BCL2: variants seen among roughly 807,000 people sequenced by gnomAD.
The protein encoded by BCL2 is BCL2 apoptosis regulator.
Under a neutral mutation model 14.2 loss-of-function variants are expected in BCL2, and 1 was observed. The ratio of observed to expected loss-of-function variants is 0.07; its 90% confidence interval spans 0.02 to 0.33. The LOEUF (loss-of-function observed/expected upper bound fraction) is 0.33. Ranked by LOEUF, BCL2 falls within the 10% of genes least tolerant of loss-of-function variation. The pLI, the probability that BCL2 is intolerant of heterozygous loss-of-function variation, is 0.99. For synonymous variants in BCL2, 151 were observed against 137.2 expected (o/e 1.10, Z -0.70); for missense variants, 247 against 305.9 (o/e 0.81, Z 1.44).
intron 2 of BCL2, among the ~76,000 whole-genome samples, chr18:63,158,645 C>T (rs865940387): frequency 3.3e-5 from 5 of 152,274 alleles, no homozygotes; most frequent in Middle Eastern, 3.4e-3. Flanking sequence ...TTGCCTGAAA[C>T]CATGTGGGAT....
chr18:63,264,883 G>A (rs1030042891), intron 2 of BCL2, among the ~76,000 whole-genome samples: 6 of 86 alleles, frequency 0.07, no homozygotes, highest in Non-Finnish European at 0.14. Context: ...TGGGGAGTAC[G>A]CTGTCTCAAG....
chr18:63,278,319 C>A (rs1402371610), intron 2 of BCL2, among the ~76,000 whole-genome samples: 1 of 152,228 alleles, frequency 6.6e-6, no homozygotes, highest in Admixed American at 6.5e-5. Context: ...TCATATTCTA[C>A]AGGATATTGA....
intron 2 of BCL2, among the ~76,000 whole-genome samples, chr18:63,287,347 T>C (rs1251814626): frequency 1.3e-5 from 2 of 152,168 alleles, no homozygotes; most frequent in Admixed American, 6.5e-5. Flanking sequence ...AACAGAGATG[T>C]TTTAGGAAGA....
rs1227346210 is a variant in BCL2 at position 63,318,747 on chromosome 18, G to A, written c.-81C>T. On this transcript the variant is annotated 5_prime_UTR_variant, in exon 2 of 3. Transcript: ENST00000333681. This position sits in a 1 kb window ranked among gnomAD's most constrained non-coding sequence, Gnocchi z 7.4. The stretch of plus-strand genomic sequence containing the variant: ...CCCACGGCCCCCAGAGAAAGAAGAG[G>A]AGTTATAATCCAGCTATTTTATTGG... 1.9e-6 allele frequency: 3 copies of A among 1,587,676 alleles called. No individual in the cohort carries two copies. The highest frequency in any genetic ancestry group is 2.6e-6 in the Non-Finnish European group (3 of 1,167,698).
At chr18:63,293,945 C>T (rs915564570) in intron 2 of BCL2, among the ~76,000 whole-genome samples, 1 of 144,462 alleles carries the variant, frequency 6.9e-6, no homozygotes, top group Non-Finnish European at 1.5e-5. Flanking sequence ...ATCTTCACTC[C>T]TGTGCTTTTT....
chr18:63,197,330 G>C (rs1437737087), intron 2 of BCL2, among the ~76,000 whole-genome samples: 2 of 152,182 alleles, frequency 1.3e-5, no homozygotes, highest in Non-Finnish European at 2.9e-5. Flanking sequence ...GCTCGTACCT[G>C]CTACAGGTGT....
chr18:63,184,486 T>A (rs1915546498), intron 2 of BCL2, among the ~76,000 whole-genome samples: 1 of 152,212 alleles, frequency 6.6e-6, no homozygotes, highest in Non-Finnish European at 1.5e-5. Context: ...ACAGATCAGA[T>A]CTTCAAGCAT....
At chr18:63,302,559 T>G (rs1912995858) in intron 2 of BCL2, 1 of 985,270 alleles carries the variant, frequency 1.0e-6, no homozygotes, top group African/African-American at 1.7e-5. Flanking sequence ...TTGAAATTTT[T>G]TAATATGTGC....
chr18:63,259,392 C>T (rs4987745), intron 2 of BCL2, among the ~76,000 whole-genome samples: 1,776 of 152,220 alleles, frequency 0.012, 19 homozygotes, highest in Middle Eastern at 0.037. Context: ...TATTTGTACC[C>T]GGCTCCCCAT....
In BCL2 at chr18:63,127,287, C is replaced by A; in HGVS notation, c.*1338G>T. The A allele has an allele frequency of 4.3e-6, 1 of 231,488 alleles. No individual in the cohort carries two copies. The highest frequency in any genetic ancestry group is 5.6e-5 in the Admixed American group (1 of 17,732). 14.3% of individuals were successfully genotyped at this position (231,488 alleles called of 1,614,324 possible). A position where few individuals can be genotyped will look rare whatever the true frequency, so the allele number is the denominator to read the frequency against. On this transcript the variant is annotated 3_prime_UTR_variant, in exon 3 of 3. Coordinates refer to ENST00000333681, the MANE Select transcript of BCL2 (RefSeq NM_000633.3). ...GGGCCAAGGCCACACAGCCAACGTGCCATGTGCTACAGCCAAAATGGGCCG... is the reference window on the plus strand; with the variant it reads ...GGGCCAAGGCCACACAGCCAACGTGACATGTGCTACAGCCAAAATGGGCCG...
intron 2 of BCL2, among the ~76,000 whole-genome samples, chr18:63,198,605 CAG>C (rs2029896575): frequency 6.7e-6 from 1 of 150,122 alleles, no homozygotes; most frequent in South Asian, 2.1e-4. Flanking sequence ...GACACACACA[CAG>C]ACACACACTG....
chr18:63,284,321 A>G (rs1912402917), intron 2 of BCL2, among the ~76,000 whole-genome samples: 2 of 152,188 alleles, frequency 1.3e-5, no homozygotes, highest in South Asian at 4.1e-4. Context: ...CCCACTAAGA[A>G]GTCTAAGAAT....
chr18:63,269,885 A>G (rs1911954099), intron 2 of BCL2, among the ~76,000 whole-genome samples: 1 of 152,216 alleles, frequency 6.6e-6, no homozygotes, highest in African/African-American at 2.4e-5. Context: ...GAAATTAGCT[A>G]TCTAATTTAC....
chr18:63,172,654 G>A (rs889046162), intron 2 of BCL2, among the ~76,000 whole-genome samples: 5 of 152,156 alleles, frequency 3.3e-5, no homozygotes, highest in African/African-American at 7.2e-5. Context: ...GGTGGCGGGC[G>A]CCTGTAGTCC....
In BCL2 at chr18:63,123,922, T is replaced by C. The variant is rs1913842060; in HGVS notation, c.*4703A>G. ...TTATTTATTAATAGTCTCAGAATTT[T>C]CTTGATTGAGCGAGCCTTTCCATCC... On this transcript the variant is annotated 3_prime_UTR_variant, in exon 3 of 3. Transcript: ENST00000333681. 1 of 219,566 alleles carries C rather than the reference T, an allele frequency of 4.6e-6. No homozygotes were observed. Among genetic ancestry groups the C allele is most frequent in the Non-Finnish European group, 9.1e-6 (1 of 109,386 alleles). 13.6% of individuals were successfully genotyped at this position (219,566 alleles called of 1,614,324 possible). A position where few individuals can be genotyped will look rare whatever the true frequency, so the allele number is the denominator to read the frequency against.
intron 2 of BCL2, among the ~76,000 whole-genome samples, chr18:63,308,394 G>T (rs564990534): frequency 6.6e-6 from 1 of 152,190 alleles, no homozygotes; most frequent in African/African-American, 2.4e-5. Context: ...GGCCAGCCCT[G>T]CTTTCTATAA....
intron 2 of BCL2, among the ~76,000 whole-genome samples, chr18:63,207,437 A>G (rs1224989668): frequency 6.6e-6 from 1 of 152,278 alleles, no homozygotes; most frequent in Non-Finnish European, 1.5e-5. Flanking sequence ...TCTAAGAAAA[A>G]GAATTCAAAG....
chr18:63,187,582 G>C (rs1393736063), intron 2 of BCL2, among the ~76,000 whole-genome samples: 1 of 152,196 alleles, frequency 6.6e-6, no homozygotes, highest in Non-Finnish European at 1.5e-5. Flanking sequence ...ATCCTAATGG[G>C]TTGAAAATAC....
chr18:63,171,557 T>A (rs553790898), intron 2 of BCL2, among the ~76,000 whole-genome samples: 1 of 152,344 alleles, frequency 6.6e-6, no homozygotes, highest in Non-Finnish European at 1.5e-5. Context: ...ATTGATAACA[T>A]CTAGTTATAA....
Sources: gnomAD v4.1 joint callset for allele counts (sites outside exome capture counted in the v4.1 genomes callset) on GRCh38, gnomAD v4.1.1 for gene constraint, Gnocchi (gnomAD v3.1) non-coding constraint, MANE v1.5 for transcripts, NCBI Gene and HGNC (gene_info 2026-07-23, HGNC 2026-07-21) for gene names.